IL20RB: variants seen among roughly 807,000 people sequenced by gnomAD.
The protein encoded by IL20RB is interleukin-20 receptor subunit beta.
In IL20RB, 21 loss-of-function variants were observed where a neutral mutation model predicts 33.3. The observed-to-expected ratio is 0.63, with a 90% CI of 0.45 to 0.91. The LOEUF is 0.91. Ranked by LOEUF, IL20RB falls within the 40% of genes least tolerant of loss-of-function variation. IL20RB has a pLI of 0.00. For missense variants in IL20RB, 345 were observed against 384.8 expected (o/e 0.90, Z 0.86); for synonymous variants, 147 against 146.8 (o/e 1.00, Z -0.01).
chr3:137,007,300 G>T (rs1387710060), intron 6 of IL20RB, among the ~76,000 whole-genome samples: 2 of 152,102 alleles, frequency 1.3e-5, no homozygotes, highest in Non-Finnish European at 2.9e-5. Flanking sequence ...TGCTGTGCTG[G>T]GAGAACCACT....
chr3:136,997,103 CT>C lies in IL20RB; in HGVS notation c.825+1558del, dbSNP rs34474806. 2.5e-4 allele frequency among the ~76,000 whole-genome samples: 37 copies of C among 146,200 alleles called. 1 individual carries two copies. Among genetic ancestry groups the C allele is most frequent in the Admixed American group, 4.1e-4 (6 of 14,614 alleles). ...CATATCTGTTTTTCTCTCTCTCTCT[CT>C]TTTTTTTTTTCGAGACGGAGTTTCG... On this transcript the variant is annotated intron_variant, in intron 6 of 6. Transcript: ENST00000329582.
chr3:136,971,824 T>A (rs1021636831), intron 1 of IL20RB, among the ~76,000 whole-genome samples: 5 of 152,230 alleles, frequency 3.3e-5, no homozygotes, highest in African/African-American at 1.2e-4. Context: ...TTTGACATAT[T>A]GATTTATTTT....
chr3:136,976,198 G>A (rs1340555097), intron 1 of IL20RB, among the ~76,000 whole-genome samples: 2 of 152,218 alleles, frequency 1.3e-5, no homozygotes, highest in Non-Finnish European at 2.9e-5. Context: ...CCTGGCCTAT[G>A]TGCTGTGTCT....
chr3:137,006,345 T>C lies in IL20RB; in HGVS notation c.826-3768T>C, dbSNP rs1421515543. 2.0e-5 allele frequency among the ~76,000 whole-genome samples: 3 copies of C among 152,216 alleles called. No homozygotes were observed. In the East Asian group the frequency reaches 5.8e-4, roughly 29 times the overall value. Reference sequence around the variant, plus strand: ...AGGTTGGGGAAGTTCTCCTGGATAATATCCTGCAGAGTGTTTTCCAACTTG... The same window carrying C: ...AGGTTGGGGAAGTTCTCCTGGATAACATCCTGCAGAGTGTTTTCCAACTTG... On this transcript the variant is annotated intron_variant, in intron 6 of 6. Coordinates refer to ENST00000329582, the MANE Select transcript of IL20RB (RefSeq NM_144717.4).
chr3:136,986,145 G>A lies in IL20RB; in HGVS notation c.407-3296G>A, dbSNP rs903281994. ...GGAGAATGGTGTGAACCTGGGAGGC[G>A]GAGCTTGCAGTGAGCCAAGATCGGG... On this transcript the variant is annotated intron_variant, in intron 3 of 6. Coordinates refer to ENST00000329582, the MANE Select transcript of IL20RB (RefSeq NM_144717.4). 5.3e-5 allele frequency among the ~76,000 whole-genome samples: 8 copies of A among 151,878 alleles called. No homozygotes were observed. The South Asian group carries it at 1.5e-3, about 28-fold the overall frequency.
chr3:136,994,273 AGT>A (rs2108211633), intron 5 of IL20RB, among the ~76,000 whole-genome samples: 1 of 152,314 alleles, frequency 6.6e-6, no homozygotes, highest in South Asian at 2.1e-4. Context: ...TAACTTAAAG[AGT>A]GTAATTGGAT....
chr3:137,006,611 A>G (rs1198310995), intron 6 of IL20RB, among the ~76,000 whole-genome samples: 1 of 152,138 alleles, frequency 6.6e-6, no homozygotes, highest in African/African-American at 2.4e-5. Flanking sequence ...CATGGTTTTC[A>G]GCTCCATCAG....
chr3:136,994,450 T>C (rs1300976718), intron 5 of IL20RB, among the ~76,000 whole-genome samples: 1 of 152,138 alleles, frequency 6.6e-6, no homozygotes, highest in Non-Finnish European at 1.5e-5. Flanking sequence ...CAGGAGTGGA[T>C]GAAAGGGTAT....
chr3:136,993,494 C>G (rs1271440364), intron 5 of IL20RB, among the ~76,000 whole-genome samples: 1 of 152,116 alleles, frequency 6.6e-6, no homozygotes, highest in African/African-American at 2.4e-5. Context: ...CATATGTATA[C>G]ATGTGCCATG....
At chr3:136,977,428 T>C (rs1034832862) in intron 1 of IL20RB, among the ~76,000 whole-genome samples, 5 of 152,230 alleles carry the variant, frequency 3.3e-5, no homozygotes, top group African/African-American at 9.6e-5. Flanking sequence ...TCATTTAGCA[T>C]TGTGGAGTTT....
At chr3:136,959,967 CTG>C (rs1445822984) in intron 1 of IL20RB, among the ~76,000 whole-genome samples, 3 of 152,024 alleles carry the variant, frequency 2.0e-5, no homozygotes, top group African/African-American at 7.2e-5. Flanking sequence ...TTATTATTAT[CTG>C]TTGGTTATAC....
chr3:136,990,049 A>G (rs1942000342), intron 4 of IL20RB, among the ~76,000 whole-genome samples: 1 of 151,946 alleles, frequency 6.6e-6, no homozygotes, highest in African/African-American at 2.4e-5. Context: ...CCATCTAACT[A>G]TGAGCAGGTG....
At chr3:136,974,499 T>A (rs948079630) in intron 1 of IL20RB, among the ~76,000 whole-genome samples, 5 of 152,216 alleles carry the variant, frequency 3.3e-5, no homozygotes, top group Non-Finnish European at 7.3e-5. Context: ...CGATTTCTGC[T>A]GAGAAATCCA....
intron 4 of IL20RB, 96 bp from the exon 5 acceptor site, chr3:136,991,830 GAACTCCTGACCT>G: frequency 9.0e-7 from 1 of 1,114,842 alleles, no homozygotes; most frequent in Non-Finnish European, 1.3e-6. Flanking sequence ...GGCTGGTCTT[GAACTCCTGACCT>G]CAGGTGATCC....
intron 1 of IL20RB, among the ~76,000 whole-genome samples, chr3:136,977,434 A>G (rs556621858): frequency 1.3e-5 from 2 of 152,178 alleles, no homozygotes; most frequent in Non-Finnish European, 2.9e-5. Context: ...AGCATTGTGG[A>G]GTTTTCCCTG....
At chr3:136,959,044 G>C (rs920987730) in intron 1 of IL20RB, 2 of 152,092 alleles carry the variant, frequency 1.3e-5, no homozygotes, top group Non-Finnish European at 2.9e-5. Flanking sequence ...ATTTGCAAAG[G>C]TGTAGAACTG....
intron 1 of IL20RB, among the ~76,000 whole-genome samples, chr3:136,969,882 T>G (rs1017897581): frequency 1.8e-4 from 27 of 152,156 alleles, no homozygotes; most frequent in Non-Finnish European, 3.2e-4. Flanking sequence ...TTTTCTTTTA[T>G]GGATTTTGCT....
intron 3 of IL20RB, among the ~76,000 whole-genome samples, chr3:136,988,509 G>T (rs1185768086): frequency 6.6e-6 from 1 of 152,198 alleles, no homozygotes; most frequent in Non-Finnish European, 1.5e-5. Context: ...GGAGCTCGAG[G>T]TGGGCGAACT....
At chr3:137,007,144 A>T (rs1362542136) in intron 6 of IL20RB, among the ~76,000 whole-genome samples, 1 of 152,042 alleles carries the variant, frequency 6.6e-6, no homozygotes, top group Non-Finnish European at 1.5e-5. Flanking sequence ...TTGCTGCCTG[A>T]TCTTTCCTCT....
Sources: gnomAD v4.1 joint callset for allele counts (sites outside exome capture counted in the v4.1 genomes callset) on GRCh38, gnomAD v4.1.1 for gene constraint, MANE v1.5 for transcripts, NCBI Gene and HGNC (gene_info 2026-07-23, HGNC 2026-07-21) for gene names.